TASL: variants seen among roughly 807,000 people sequenced by gnomAD.
The protein encoded by TASL is TLR adapter interacting with SLC15A4 on the lysosome.
A neutral mutation model predicts 12.9 loss-of-function variants in TASL; 6 were observed. That is an observed-to-expected ratio of 0.46 (90% CI 0.25 to 0.92). The LOEUF is 0.92. Ranked by LOEUF, TASL falls within the 40% of genes least tolerant of loss-of-function variation. The pLI is 0.17. For missense variants in TASL, 165 were observed against 212.8 expected, an observed-to-expected ratio of 0.78 and a Z score of 1.40; for synonymous variants, 85 against 79.3, an observed-to-expected ratio of 1.07 and a Z score of -0.38.
Position 30,559,967 on chromosome X carries a change from G to A in TASL, c.389C>T (p.Ala130Val), listed in dbSNP as rs780124541. ...ICKNYNDLQI[A>V]GGQVMAINSV... ...ATTAATGGCCATCACCTGGCCCCCT[G>A]CAATCTGTAAGTCATTATAATTCTT... Residue 130 changes from alanine (A) to valine (V), a missense_variant, in exon 3 of 3, where the codon GCA becomes GTA. Transcript: ENST00000378962. The A allele has an allele frequency of 3.3e-6, 4 of 1,210,586 alleles. No homozygotes were observed.
chrX:30,569,904 G>A (rs1025663837), intron 2 of TASL, among the ~76,000 whole-genome samples: 1 of 109,507 alleles, frequency 9.1e-6, no homozygotes, highest in African/African-American at 3.3e-5. Context: ...CCAGCTGCTC[G>A]GGAGGCTGAG....
At chrX:30,564,343 CAG>C (rs932001140) in intron 2 of TASL, among the ~76,000 whole-genome samples, 3 of 110,984 alleles carry the variant, frequency 2.7e-5, no homozygotes, top group Non-Finnish European at 5.7e-5. Context: ...CCAGAGAAAA[CAG>C]AGGAGAAATT....
At chrX:30,562,895 A>AAC (rs1177875322) in intron 2 of TASL, among the ~76,000 whole-genome samples, 44 of 75,100 alleles carry the variant, frequency 5.9e-4, no homozygotes, top group African/African-American at 2.0e-3. Context: ...AAAAAGGTAT[A>AAC]ATACACACAC....
chrX:30,572,155 G>A (rs1930636808), intron 2 of TASL, among the ~76,000 whole-genome samples: 1 of 111,768 alleles, frequency 8.9e-6, no homozygotes, highest in East Asian at 2.8e-4. Flanking sequence ...TAACAGATAG[G>A]GGAATGCCAA....
At chrX:30,576,202 A>G (rs757447335) in intron 2 of TASL, among the ~76,000 whole-genome samples, 2 of 112,094 alleles carry the variant, frequency 1.8e-5, no homozygotes, top group South Asian at 7.2e-4. Flanking sequence ...CATCTTAGAT[A>G]ATAGTATTGT....
intron 2 of TASL, among the ~76,000 whole-genome samples, chrX:30,571,327 A>AAAGAAAGAAAGAAAGAAACC (rs1930620089): frequency 9.5e-6 from 1 of 105,488 alleles, no homozygotes; most frequent in Admixed American, 1.0e-4. Flanking sequence ...AGAAAGAAAG[A>AAAGAAAGAAAGAAAGAAACC]AACCCATTTG....
chrX:30,563,965 C>T (rs1476187821), intron 2 of TASL, among the ~76,000 whole-genome samples: 1 of 111,314 alleles, frequency 9.0e-6, no homozygotes, highest in Admixed American at 9.6e-5. Context: ...GATCTTTATC[C>T]TTAAGTATGA....
chrX:30,567,153 G>A (rs1259393951), intron 2 of TASL, among the ~76,000 whole-genome samples: 1 of 110,334 alleles, frequency 9.1e-6, no homozygotes, highest in Non-Finnish European at 1.9e-5. Flanking sequence ...GCCAGGCGTG[G>A]TGGTCCCAGC....
intron 2 of TASL, among the ~76,000 whole-genome samples, chrX:30,562,211 C>T (rs1054736895): frequency 8.9e-5 from 10 of 112,263 alleles, no homozygotes; most frequent in Non-Finnish European, 1.9e-4. Context: ...TGAGCTTTTA[C>T]ACCTCAGAAT....
chrX:30,562,442 G>A (rs1358344410), intron 2 of TASL, among the ~76,000 whole-genome samples: 2 of 111,510 alleles, frequency 1.8e-5, no homozygotes, highest in African/African-American at 6.5e-5. Flanking sequence ...GCCTCATCAA[G>A]TCTGCTCACA....
intron 2 of TASL, among the ~76,000 whole-genome samples, chrX:30,561,524 C>T (rs1279516139): frequency 9.0e-6 from 1 of 111,633 alleles, no homozygotes; most frequent in African/African-American, 3.3e-5. Context: ...ACAGACCTGT[C>T]AACTTGAGCC....
chrX:30,562,272 T>C (rs1930436747), intron 2 of TASL, among the ~76,000 whole-genome samples: 1 of 111,841 alleles, frequency 8.9e-6, no homozygotes, highest in African/African-American at 3.3e-5. Flanking sequence ...AATAATAAAC[T>C]TAAGTAGACT....
chrX:30,570,136 A>C (rs1338594675), intron 2 of TASL, among the ~76,000 whole-genome samples: 1 of 110,786 alleles, frequency 9.0e-6, no homozygotes, highest in Non-Finnish European at 1.9e-5. Context: ...TCTCATCTAC[A>C]AACGTCTTCC....
chrX:30,571,978 C>CTA (rs1331079258), intron 2 of TASL, among the ~76,000 whole-genome samples: 6 of 108,839 alleles, frequency 5.5e-5, no homozygotes, highest in African/African-American at 1.3e-4. Flanking sequence ...CTTAGAGAAG[C>CTA]TATATATATA....
intron 2 of TASL, among the ~76,000 whole-genome samples, chrX:30,571,278 G>GAAAGAAAGAAAGAAAGAAAGAAAGAA (rs1930608507): frequency 1.2e-4 from 9 of 74,627 alleles, no homozygotes; most frequent in South Asian, 7.6e-4. Context: ...AAGAAAGAAA[G>GAAAGAAAGAAAGAAAGAAAGAAAGAA]AAAGAAAGAA....
chrX:30,571,274 G>GAAAGAA lies in TASL; in HGVS notation c.-2+5472_-2+5477dup, dbSNP rs1555998460. ...AAAGAAAGAGAAAGAAAGAAAGAAA[G>GAAAGAA]AAAGAAAGAAAGAAAGAAAGAAAGA... On this transcript the variant is annotated intron_variant, in intron 2 of 2. Transcript: ENST00000378962. 5.5e-3 allele frequency among the ~76,000 whole-genome samples: 332 copies of GAAAGAA among 59,966 alleles called. 6 individuals carry two copies. The highest frequency in any genetic ancestry group is 0.012 in the Admixed American group (63 of 5,206). The allele number at this position is 59,966 out of a possible 115,157, so 52.1% of individuals were successfully genotyped here. A position where few individuals can be genotyped will look rare whatever the true frequency, so the allele number is the denominator to read the frequency against.
At position 30,560,110 on chromosome X, in the gene TASL, T is replaced by C. The variant is rs758681466; in HGVS notation, c.246A>G (p.Thr82=). ...CAGGATTGGGGTTTGTCTGCAGCAC[T>C]GTGACTCTCTGACTTCTGCTATGTT... ...ESQHSRSQRV[T]VLQTNPNPVF... Residue 82 remains threonine (T), a synonymous_variant, in exon 3 of 3, where the codon ACA becomes ACG. Transcript: ENST00000378962. The C allele has an allele frequency of 2.5e-6, 3 of 1,210,407 alleles. No individual in the cohort carries two copies. The highest frequency in any genetic ancestry group is 3.5e-5 in the South Asian group (2 of 56,589).
intron 2 of TASL, among the ~76,000 whole-genome samples, chrX:30,568,739 A>T (rs1930541146): frequency 9.1e-6 from 1 of 110,040 alleles, no homozygotes; most frequent in South Asian, 3.9e-4. Context: ...TAATCTCCAC[A>T]CTCCTTCATA....
chrX:30,570,274 A>G (rs1930574019), intron 2 of TASL, among the ~76,000 whole-genome samples: 1 of 110,082 alleles, frequency 9.1e-6, no homozygotes, highest in South Asian at 3.9e-4. Context: ...ATATGAAGAG[A>G]AAGAGAGAGA....
Sources: gnomAD v4.1 joint callset for allele counts (sites outside exome capture counted in the v4.1 genomes callset) on GRCh38, gnomAD v4.1.1 for gene constraint, MANE v1.5 for transcripts, NCBI Gene and HGNC (gene_info 2026-07-23, HGNC 2026-07-21) for gene names.